Variants in CNTNAP5 observed in about 807,000 individuals in gnomAD.
CNTNAP5 encodes contactin-associated protein-like 5.
A neutral mutation model predicts 150.2 loss-of-function variants in CNTNAP5; 72 were observed. The observed-to-expected ratio is 0.48, with a 90% CI of 0.40 to 0.58. The LOEUF is 0.58. CNTNAP5 is among the 20% of genes least tolerant of loss of function. The pLI is 0.00. For synonymous variants in CNTNAP5, 672 were observed against 619.8 expected (o/e 1.08, Z -1.25); for missense variants, 1,636 against 1,626.2 (o/e 1.01, Z -0.10).
At chr2:124,234,604 G>C (rs779913905) in intron 2 of CNTNAP5, among the ~76,000 whole-genome samples, 1 of 152,114 alleles carries the variant, frequency 6.6e-6, no homozygotes, top group Non-Finnish European at 1.5e-5. Flanking sequence ...CCCTTGGTCT[G>C]TAGGGGTCAT....
intron 10 of CNTNAP5, among the ~76,000 whole-genome samples, chr2:124,561,882 T>C (rs927658852): frequency 6.6e-6 from 1 of 152,196 alleles, no homozygotes; most frequent in Non-Finnish European, 1.5e-5. Flanking sequence ...TATATACCAC[T>C]TCTGTAACTT....
In CNTNAP5 at chr2:124,917,499, C is replaced by T. The variant is rs1429620560; in HGVS notation, c.*3211C>T. On this transcript the variant is annotated 3_prime_UTR_variant, in exon 24 of 24. Coordinates refer to ENST00000682447, the MANE Select transcript of CNTNAP5 (RefSeq NM_001367498.1). ...AGACATATTTTTATGACTAACTTTGCCTCTTCTATTTACCCTCTGCTGTAT... is the reference window on the plus strand; with the variant it reads ...AGACATATTTTTATGACTAACTTTGTCTCTTCTATTTACCCTCTGCTGTAT... Among the ~76,000 whole-genome samples, 2 of 151,954 alleles carry T rather than the reference C, an allele frequency of 1.3e-5. No individual in the cohort carries two copies. The highest frequency in any genetic ancestry group is 6.6e-5 in the Admixed American group (1 of 15,234).
At chr2:124,435,955 A>AT (rs1246444848) in intron 5 of CNTNAP5, among the ~76,000 whole-genome samples, 1 of 152,194 alleles carries the variant, frequency 6.6e-6, no homozygotes, top group Non-Finnish European at 1.5e-5. Context: ...TGGTAAAAAA[A>AT]TTTGCTGGTA....
chr2:124,479,919 G>C (rs1469879752), intron 7 of CNTNAP5, among the ~76,000 whole-genome samples: 1 of 152,136 alleles, frequency 6.6e-6, no homozygotes, highest in Non-Finnish European at 1.5e-5. Context: ...GTGTTAGTGT[G>C]AAGATTAAAT....
intron 3 of CNTNAP5, among the ~76,000 whole-genome samples, chr2:124,254,401 G>C (rs933464126): frequency 6.6e-6 from 1 of 152,156 alleles, no homozygotes; most frequent in South Asian, 2.1e-4. Flanking sequence ...CTGGTAAGGG[G>C]GGCAGTCTCC....
chr2:124,909,734 A>G (rs576887743), intron 22 of CNTNAP5, among the ~76,000 whole-genome samples: 5 of 139,646 alleles, frequency 3.6e-5, no homozygotes, highest in African/African-American at 1.1e-4. Context: ...GACTCCTCTG[A>G]TTTCTCATTT....
At chr2:124,888,031 A>G (rs532634396) in intron 21 of CNTNAP5, among the ~76,000 whole-genome samples, 37 of 152,224 alleles carry the variant, frequency 2.4e-4, no homozygotes, top group African/African-American at 8.7e-4. Flanking sequence ...ATATTGCATG[A>G]TGCTCAAGTT....
intron 1 of CNTNAP5, among the ~76,000 whole-genome samples, chr2:124,206,985 A>G (rs1022598604): frequency 1.3e-5 from 2 of 152,178 alleles, no homozygotes; most frequent in Non-Finnish European, 2.9e-5. Flanking sequence ...CTTTTCACAT[A>G]TATTCTGTTC....
chr2:124,760,771 A>G (rs888413730), intron 14 of CNTNAP5, among the ~76,000 whole-genome samples: 5 of 152,064 alleles, frequency 3.3e-5, no homozygotes, highest in African/African-American at 1.2e-4. Context: ...TTTTTATTTC[A>G]AACTTCAGTG....
intron 1 of CNTNAP5, among the ~76,000 whole-genome samples, chr2:124,165,142 G>C (rs745881745): frequency 6.6e-6 from 1 of 152,180 alleles, no homozygotes; most frequent in African/African-American, 2.4e-5. Context: ...ATCAGGTGAT[G>C]ATATAAACAG....
chr2:124,851,120 T>G (rs781675855), intron 19 of CNTNAP5, among the ~76,000 whole-genome samples: 1 of 152,108 alleles, frequency 6.6e-6, no homozygotes, highest in Non-Finnish European at 1.5e-5. Flanking sequence ...ATTCCAACAC[T>G]TTGGGAGGCC....
chr2:124,914,986 T>A lies in CNTNAP5; in HGVS notation c.*698T>A, dbSNP rs1678733895. The A allele has an allele frequency of 2.0e-5, 3 of 152,620 alleles. No individual in the cohort carries two copies. The South Asian group carries it at 6.2e-4, about 32-fold the overall frequency. 9.5% of individuals were successfully genotyped at this position (152,620 alleles called of 1,614,324 possible). ...CACGTTGGGACAGCACACCATAGCA[T>A]AAAGCTAGGGGATGCATGGAAATAG... is the stretch of plus-strand genomic sequence containing the variant. On this transcript the variant is annotated 3_prime_UTR_variant, in exon 24 of 24. Coordinates refer to ENST00000682447, the MANE Select transcript of CNTNAP5 (RefSeq NM_001367498.1).
intron 1 of CNTNAP5, among the ~76,000 whole-genome samples, chr2:124,077,441 G>T (rs1484880393): frequency 1.3e-5 from 2 of 152,130 alleles, no homozygotes; most frequent in Admixed American, 6.6e-5. Context: ...CATTTGTGTT[G>T]TCACAAATTA....
intron 3 of CNTNAP5, among the ~76,000 whole-genome samples, chr2:124,344,605 A>C (rs1007772562): frequency 2.0e-5 from 3 of 152,060 alleles, no homozygotes; most frequent in South Asian, 2.1e-4. Flanking sequence ...ATTATTTAAA[A>C]GTTAGCTGGA....
intron 1 of CNTNAP5, among the ~76,000 whole-genome samples, chr2:124,169,169 A>G (rs1461241521): frequency 6.6e-6 from 1 of 151,898 alleles, no homozygotes; most frequent in African/African-American, 2.4e-5. Flanking sequence ...ATGCATACTT[A>G]GAGAATAGCA....
chr2:124,883,845 T>C (rs974592282), intron 21 of CNTNAP5, among the ~76,000 whole-genome samples: 3 of 152,122 alleles, frequency 2.0e-5, no homozygotes, highest in African/African-American at 7.2e-5. Flanking sequence ...TATGTATATC[T>C]GGATATCTAT....
chr2:124,307,017 T>C (rs2104652705), intron 3 of CNTNAP5, among the ~76,000 whole-genome samples: 2 of 152,184 alleles, frequency 1.3e-5, no homozygotes, highest in African/African-American at 4.8e-5. Flanking sequence ...AATGAGCCAC[T>C]GCAGCCAGCC....
chr2:124,243,762 G>A lies in CNTNAP5; in HGVS notation c.381+1369G>A, dbSNP rs955498680. Among the ~76,000 whole-genome samples the A allele has an allele frequency of 1.3e-5, 2 of 151,830 alleles. 1 individual carries two copies. Among genetic ancestry groups the A allele is most frequent in the African/African-American group, 4.8e-5 (2 of 41,364 alleles). ...TTTGTACACTAAGCCCCAGGGACAA[G>A]CAATTTACCCATGTAACAAACCTGC... On this transcript the variant is annotated intron_variant, in intron 3 of 23. Coordinates refer to ENST00000682447, the MANE Select transcript of CNTNAP5 (RefSeq NM_001367498.1).
intron 11 of CNTNAP5, among the ~76,000 whole-genome samples, chr2:124,591,960 GATAA>G (rs754717529): frequency 6.6e-6 from 1 of 151,942 alleles, no homozygotes; most frequent in Non-Finnish European, 1.5e-5. Context: ...CCATTTATTA[GATAA>G]ACATTAGCAT....
Sources: gnomAD v4.1 joint callset for allele counts (sites outside exome capture counted in the v4.1 genomes callset) on GRCh38, gnomAD v4.1.1 for gene constraint, MANE v1.5 for transcripts, NCBI Gene and HGNC (gene_info 2026-07-23, HGNC 2026-07-21) for gene names.